The following CKAP5 variants were observed in gnomAD, a reference collection of about 807,000 sequenced individuals.
CKAP5 encodes cytoskeleton-associated protein 5.
CKAP5 carries 27 observed loss-of-function variants against 232.8 expected under a neutral mutation model. The observed-to-expected ratio is 0.12, with a 90% CI of 0.09 to 0.16. The LOEUF is 0.16. Among genes scored for constraint, CKAP5 ranks in the 10% least tolerant of loss-of-function variants. The pLI is 1.00. For missense variants in CKAP5, 1,838 were observed against 2,424.7 expected (o/e 0.76, Z 5.08); for synonymous variants, 785 against 841.1 (o/e 0.93, Z 1.16).
At chr11:46,784,884 G>A (rs2065377627) in intron 16 of CKAP5, among the ~76,000 whole-genome samples, 2 of 152,164 alleles carry the variant, frequency 1.3e-5, no homozygotes, top group Admixed American at 6.5e-5. Flanking sequence ...GGGAAAAAAA[G>A]CTACTCAGTG....
At chr11:46,755,355 A>G (rs1021107533) in intron 35 of CKAP5, among the ~76,000 whole-genome samples, 1 of 152,004 alleles carries the variant, frequency 6.6e-6, no homozygotes, top group African/African-American at 2.4e-5. Context: ...CTAGGATTAC[A>G]GGCGCCTGCC....
At chr11:46,822,581 C>G (rs1470710832) in intron 1 of CKAP5, among the ~76,000 whole-genome samples, 1 of 151,656 alleles carries the variant, frequency 6.6e-6, no homozygotes, top group African/African-American at 2.4e-5. Flanking sequence ...GAAATCCCAT[C>G]TCTATTAAAA....
chr11:46,817,936 C>T (rs1020203970), intron 3 of CKAP5, among the ~76,000 whole-genome samples: 3 of 152,144 alleles, frequency 2.0e-5, no homozygotes, highest in Admixed American at 6.5e-5. Flanking sequence ...CTATAATGCC[C>T]AAATGTCTTC....
intron 1 of CKAP5, among the ~76,000 whole-genome samples, chr11:46,834,690 T>TAAAAAATTATA (rs1939876775): frequency 6.6e-6 from 1 of 152,160 alleles, no homozygotes; most frequent in Non-Finnish European, 1.5e-5. Context: ...TATATGCTAT[T>TAAAAAATTATA]TGGTGATATT....
chr11:46,779,877 C>T (rs1049532774), intron 20 of CKAP5, among the ~76,000 whole-genome samples: 11 of 152,100 alleles, frequency 7.2e-5, no homozygotes, highest in African/African-American at 2.7e-4. Flanking sequence ...CTGCCTTGGC[C>T]TCCCAAAGTG....
intron 3 of CKAP5, among the ~76,000 whole-genome samples, chr11:46,817,467 G>A (rs1180079651): frequency 6.6e-6 from 1 of 152,150 alleles, no homozygotes; most frequent in Non-Finnish European, 1.5e-5. Flanking sequence ...CAGAAGAACT[G>A]AGTGGGTTGA....
intron 1 of CKAP5, among the ~76,000 whole-genome samples, chr11:46,840,235 C>G (rs572249196): frequency 3.2e-4 from 48 of 152,256 alleles, no homozygotes; most frequent in African/African-American, 1.1e-3. Flanking sequence ...TATTCAAGGA[C>G]CAGAGCTGAC....
intron 3 of CKAP5, 71 bp from the exon 4 acceptor site, chr11:46,816,475 G>A: frequency 8.9e-7 from 1 of 1,129,434 alleles, no homozygotes; most frequent in Non-Finnish European, 1.3e-6. Flanking sequence ...CGGAAAGGGG[G>A]TGTACTAGTA....
At chr11:46,824,338 G>A (rs868587530) in intron 1 of CKAP5, among the ~76,000 whole-genome samples, 4 of 152,166 alleles carry the variant, frequency 2.6e-5, no homozygotes, top group Non-Finnish European at 5.9e-5. Flanking sequence ...ATACACCAAT[G>A]ATGGGAGACA....
chr11:46,795,535 C>A, intron 13 of CKAP5, 59 bp downstream of exon 13: 2 of 1,410,224 alleles, frequency 1.4e-6, no homozygotes, highest in Non-Finnish European at 1.9e-6. Context: ...GAGGAACAAC[C>A]ACGAACCTGA....
At chr11:46,804,598 G>C (rs1939111447) in intron 8 of CKAP5, among the ~76,000 whole-genome samples, 1 of 152,050 alleles carries the variant, frequency 6.6e-6, no homozygotes, top group African/African-American at 2.4e-5. Context: ...TTATCAATTG[G>C]TATTTATCTT....
At chr11:46,841,571 C>T (rs1940052726) in intron 1 of CKAP5, among the ~76,000 whole-genome samples, 1 of 152,148 alleles carries the variant, frequency 6.6e-6, no homozygotes, top group South Asian at 2.1e-4. Flanking sequence ...GCCAAGTGGT[C>T]ACCCATGGTA....
chr11:46,746,973 T>TAA (rs1388851496), intron 42 of CKAP5, among the ~76,000 whole-genome samples: 2 of 151,956 alleles, frequency 1.3e-5, no homozygotes, highest in African/African-American at 4.8e-5. Context: ...CTGTCTCTAC[T>TAA]AAAAATACAC....
intron 7 of CKAP5, among the ~76,000 whole-genome samples, chr11:46,808,554 T>C (rs1369505853): frequency 6.6e-6 from 1 of 152,036 alleles, no homozygotes; most frequent in Non-Finnish European, 1.5e-5. Context: ...AAAATAGTAA[T>C]AATAATAAAA....
chr11:46,776,464 T>G, intron 23 of CKAP5, 81 bp from the exon 24 acceptor site: 1 of 1,178,296 alleles, frequency 8.5e-7, no homozygotes, highest in Non-Finnish European at 1.2e-6. Context: ...TTTATGAACA[T>G]GAACAATGGA....
chr11:46,815,144 A>G (rs1384225700), intron 4 of CKAP5, among the ~76,000 whole-genome samples: 1 of 152,102 alleles, frequency 6.6e-6, no homozygotes, highest in Non-Finnish European at 1.5e-5. Context: ...TCTGCCTTCC[A>G]GGTTCAAGCA....
intron 38 of CKAP5, 115 bp from the exon 39 acceptor site, chr11:46,751,649 G>C: frequency 1.2e-6 from 1 of 840,334 alleles, no homozygotes; most frequent in East Asian, 2.5e-5. Flanking sequence ...GGCTATAAAT[G>C]TGGCACATCA....
chr11:46,783,699 C>G lies in CKAP5; in HGVS notation c.2155-331G>C, dbSNP rs186463940. On this transcript the variant is annotated intron_variant, in intron 17 of 43. Coordinates refer to ENST00000529230, the MANE Select transcript of CKAP5 (RefSeq NM_001008938.4). ...CCTCAAGCTCGTGGGCTTTCACCTTCTATAGAATTTTTTGTTTATTTGTTT... is the reference window on the plus strand; with the variant it reads ...CCTCAAGCTCGTGGGCTTTCACCTTGTATAGAATTTTTTGTTTATTTGTTT... Among the ~76,000 whole-genome samples the G allele has an allele frequency of 2.7e-3, 413 of 151,210 alleles. 2 individuals carry two copies. Among genetic ancestry groups the G allele is most frequent in the African/African-American group, 9.5e-3 (391 of 41,208 alleles).
Position 46,762,111 on chromosome 11 carries a change from T to C in CKAP5, c.4110A>G (p.Glu1370=). Residue 1370 remains glutamate, a synonymous_variant, in exon 32 of 44, where the codon GAA becomes GAG. Coordinates refer to ENST00000529230, the MANE Select transcript of CKAP5 (RefSeq NM_001008938.4). ...CQPTPGKALK[E]IAVHIGDRDN... ...CACGGTCTCCTATGTGAACAGCTATTTCCTTTAAGGCTTTTCCTGGGGTTG... is the reference window on the plus strand; with the variant it reads ...CACGGTCTCCTATGTGAACAGCTATCTCCTTTAAGGCTTTTCCTGGGGTTG... 1 of 1,614,192 alleles carries C rather than the reference T, an allele frequency of 6.2e-7. No individual in the cohort carries two copies. Among genetic ancestry groups the C allele is most frequent in the Non-Finnish European group, 8.5e-7 (1 of 1,180,024 alleles).
Sources: gnomAD v4.1 joint callset for allele counts (sites outside exome capture counted in the v4.1 genomes callset) on GRCh38, gnomAD v4.1.1 for gene constraint, MANE v1.5 for transcripts, NCBI Gene and HGNC (gene_info 2026-07-23, HGNC 2026-07-21) for gene names.